Variants in SFMBT2 observed in about 807,000 individuals in gnomAD.
SFMBT2 encodes Scm like with four mbt domains 2.
A neutral mutation model predicts 110.1 loss-of-function variants in SFMBT2; 38 were observed. The observed-to-expected ratio is 0.35, with a 90% CI of 0.27 to 0.45. SFMBT2 has a LOEUF of 0.45. Ranked by LOEUF, SFMBT2 falls within the 20% of genes least tolerant of loss-of-function variation. The probability of loss-of-function intolerance (pLI) is 1.00; values close to 1 mark genes in which losing one functional copy is unlikely to be tolerated. For missense variants in SFMBT2, 1,011 were observed against 1,094.9 expected, an observed-to-expected ratio of 0.92 and a Z score of 1.08; for synonymous variants, 425 against 425.4, an observed-to-expected ratio of 1.00 and a Z score of 0.01.
intron 1 of SFMBT2, among the ~76,000 whole-genome samples, chr10:7,404,157 G>T (rs1422294709): frequency 1.3e-5 from 2 of 152,156 alleles, no homozygotes; most frequent in African/African-American, 4.8e-5. Context: ...GAGTAAACAG[G>T]TAATTTCATA....
chr10:7,267,538 C>T (rs1207438689), intron 7 of SFMBT2, among the ~76,000 whole-genome samples: 1 of 152,146 alleles, frequency 6.6e-6, no homozygotes, highest in Non-Finnish European at 1.5e-5. Flanking sequence ...ACCTCCGCCT[C>T]TCGGGTTCAA....
At chr10:7,264,336 T>G (rs1841316828) in intron 7 of SFMBT2, 1 of 161,282 alleles carries the variant, frequency 6.2e-6, no homozygotes, top group African/African-American at 2.4e-5. Context: ...TTTTATCCCT[T>G]ATCAGTGATG....
At chr10:7,302,874 TTATCAA>T (rs1358164411) in intron 4 of SFMBT2, among the ~76,000 whole-genome samples, 1 of 152,226 alleles carries the variant, frequency 6.6e-6, no homozygotes, top group East Asian at 1.9e-4. Context: ...TTTTTCTTTC[TTATCAA>T]TAACAGAACA....
chr10:7,165,683 A>C (rs1044374388), intron 20 of SFMBT2, among the ~76,000 whole-genome samples: 4 of 152,260 alleles, frequency 2.6e-5, no homozygotes, highest in African/African-American at 9.6e-5. Flanking sequence ...ACCTTATCAA[A>C]TCACAAAGTA....
At chr10:7,329,719 C>G (rs975403851) in intron 4 of SFMBT2, 1 of 154,274 alleles carries the variant, frequency 6.5e-6, no homozygotes, top group Non-Finnish European at 1.4e-5. Context: ...CATGGCCTCT[C>G]CATGCAGCAT....
intron 9 of SFMBT2, among the ~76,000 whole-genome samples, chr10:7,239,336 G>A (rs1191235810): frequency 6.6e-6 from 1 of 152,102 alleles, no homozygotes; most frequent in Non-Finnish European, 1.5e-5. Flanking sequence ...CATATTCTAC[G>A]TGTCAACCTA....
At chr10:7,349,770 A>T (rs1844251189) in intron 4 of SFMBT2, among the ~76,000 whole-genome samples, 1 of 151,262 alleles carries the variant, frequency 6.6e-6, no homozygotes, top group South Asian at 2.1e-4. Context: ...TCAATCCCTG[A>T]CTCTTTTATC....
intron 4 of SFMBT2, chr10:7,348,146 T>C (rs1298855260): frequency 1.4e-5 from 8 of 561,356 alleles, no homozygotes; most frequent in Middle Eastern, 3.2e-4. Flanking sequence ...GAAAAGAAGT[T>C]CTAAAAACAT....
Position 7,223,215 on chromosome 10 carries a change from T to C in SFMBT2, c.1204-2678A>G, listed in dbSNP as rs540657300. Among the ~76,000 whole-genome samples the C allele has an allele frequency of 3.3e-5, 5 of 152,352 alleles. No individual in the cohort carries two copies. The East Asian group carries it at 9.6e-4, about 29-fold the overall frequency. ...CCTTCTAAGAAGCTGCCAAAATGTT[T>C]GCCAAAGTTGCTACAGCATTTTGCA... On this transcript the variant is annotated intron_variant, in intron 10 of 20. Transcript: ENST00000397167.
At position 7,385,809 on chromosome 10, in the gene SFMBT2, C is replaced by A. The variant is rs1000590910; in HGVS notation, c.-51-3860G>T. Among the ~76,000 whole-genome samples, 23 of 152,182 alleles carry A rather than the reference C, an allele frequency of 1.5e-4. No homozygotes were observed. The East Asian group carries it at 1.9e-3, about 13-fold the overall frequency. On this transcript the variant is annotated intron_variant, in intron 1 of 20. Coordinates refer to ENST00000397167, the MANE Select transcript of SFMBT2 (RefSeq NM_001387889.1). ...GGTCAGGAGATCAAGACCATCCTGG[C>A]TAACACGGTGAAACCCCGTCTCTAC...
At chr10:7,362,931 C>T (rs1844769856) in intron 4 of SFMBT2, among the ~76,000 whole-genome samples, 1 of 152,216 alleles carries the variant, frequency 6.6e-6, no homozygotes, top group Non-Finnish European at 1.5e-5. Flanking sequence ...CTCCATTCCT[C>T]GTGCATTATA....
chr10:7,249,698 AG>A (rs1840738586), intron 7 of SFMBT2: 1 of 225,900 alleles, frequency 4.4e-6, no homozygotes, highest in Non-Finnish European at 7.4e-6. Flanking sequence ...GTTTCCCCAA[AG>A]CCCCCAAAAG....
chr10:7,404,958 C>T (rs1292487347), intron 1 of SFMBT2, among the ~76,000 whole-genome samples: 1 of 152,208 alleles, frequency 6.6e-6, no homozygotes, highest in African/African-American at 2.4e-5. Context: ...ACTATCTTCC[C>T]TTCCTTACAA....
intron 15 of SFMBT2, among the ~76,000 whole-genome samples, chr10:7,190,897 A>G (rs1310451932): frequency 6.6e-6 from 1 of 152,174 alleles, no homozygotes; most frequent in Non-Finnish European, 1.5e-5. Context: ...TGTGGGAGGT[A>G]ATTGAATTGT....
chr10:7,357,485 T>G (rs1036577206), intron 4 of SFMBT2, among the ~76,000 whole-genome samples: 6 of 152,170 alleles, frequency 3.9e-5, no homozygotes, highest in African/African-American at 1.4e-4. Flanking sequence ...TCTGCAACAC[T>G]GGCTCCCCCT....
chr10:7,176,397 C>T, intron 16 of SFMBT2: 1 of 834,440 alleles, frequency 1.2e-6, no homozygotes, highest in Non-Finnish European at 1.4e-6. Context: ...TCCATAAACA[C>T]CCCCACATGT....
At chr10:7,229,737 T>G (rs537359717) in intron 9 of SFMBT2, among the ~76,000 whole-genome samples, 17,124 of 151,206 alleles carry the variant, frequency 0.11, 1,121 homozygotes, top group African/African-American at 0.18. Context: ...GTTTTTTTTT[T>G]TGTGATGGAG....
intron 9 of SFMBT2, among the ~76,000 whole-genome samples, chr10:7,239,943 A>G (rs1240786144): frequency 6.6e-6 from 1 of 152,196 alleles, no homozygotes; most frequent in Non-Finnish European, 1.5e-5. Context: ...AAAGTCATTT[A>G]ACACAACTGA....
intron 4 of SFMBT2, among the ~76,000 whole-genome samples, chr10:7,300,135 A>C (rs1203631480): frequency 1.3e-5 from 2 of 152,116 alleles, no homozygotes; most frequent in East Asian, 3.9e-4. Context: ...ATGGACACAG[A>C]GAGGAGAACA....
Sources: allele counts gnomAD v4.1 joint callset (sites outside exome capture counted in the v4.1 genomes callset), GRCh38; gene constraint gnomAD v4.1.1; transcripts MANE v1.5; gene names NCBI Gene and HGNC (gene_info 2026-07-23, HGNC 2026-07-21).